The following RANBP17 variants were observed in gnomAD, a reference collection of about 807,000 sequenced individuals.
RANBP17 encodes the protein RAN binding protein 17, also known as ran-binding protein 17.
RANBP17 carries 158 observed loss-of-function variants against 141.2 expected under a neutral mutation model. The ratio of observed to expected loss-of-function variants is 1.12; its 90% CI spans 0.98 to 1.28. RANBP17 has a LOEUF of 1.28. Among genes scored for constraint, RANBP17 ranks in the 50% most tolerant of loss-of-function variants. The pLI is 0.00. For missense variants in RANBP17, 1,438 were observed against 1,290.7 expected (o/e 1.11, Z -1.75); for synonymous variants, 430 against 450.0 (o/e 0.96, Z 0.56).
chr5:170,903,936 G>T, intron 5 of RANBP17: 1 of 524,422 alleles, frequency 1.9e-6, no homozygotes, highest in South Asian at 1.5e-5. Flanking sequence ...TCATTATCTT[G>T]TATCAAGCCT....
Position 171,205,487 on chromosome 5 carries a change from G to A in RANBP17, c.2143-37G>A, listed in dbSNP as rs200802967. ...ATTACTCCATCTGCTCTGCGCTAAC[G>A]TGAAAATCAATTACTGTGTCTCTTT... On this transcript the variant is annotated intron_variant, in intron 19 of 27. Transcript: ENST00000523189. 231 of 1,561,202 alleles carry A rather than the reference G, an allele frequency of 1.5e-4. 2 individuals carry two copies. Among genetic ancestry groups the A allele is most frequent in the Admixed American group, 4.7e-4 (28 of 59,840 alleles).
At chr5:171,253,021 C>T (rs1454451367) in intron 24 of RANBP17, 3 of 1,091,748 alleles carry the variant, frequency 2.7e-6, no homozygotes, top group Non-Finnish European at 4.2e-6. Context: ...CTTTCTGCCG[C>T]ATTTCTTCTC....
chr5:170,896,045 C>T lies in RANBP17; in HGVS notation c.424-5C>T. ...TTAGGCTAAACTTTGTTATTTTCTC[C>T]AAAGGGTACTGTGGAACACTGCATA... On this transcript the variant is annotated splice_region_variant and splice_polypyrimidine_tract_variant and intron_variant, in intron 4 of 27. Coordinates refer to ENST00000523189, the MANE Select transcript of RANBP17 (RefSeq NM_022897.5). 2.5e-6 allele frequency: 4 copies of T among 1,575,442 alleles called. No individual in the cohort carries two copies. The highest frequency in any genetic ancestry group is 3.4e-6 in the Non-Finnish European group (4 of 1,161,244).
At chr5:170,997,684 A>G (rs1778908971) in intron 14 of RANBP17, among the ~76,000 whole-genome samples, 1 of 152,190 alleles carries the variant, frequency 6.6e-6, no homozygotes, top group Non-Finnish European at 1.5e-5. Flanking sequence ...GTTTAAATTC[A>G]GTATGAACAG....
chr5:171,296,518 A>G (rs1768830541), intron 27 of RANBP17, among the ~76,000 whole-genome samples: 1 of 152,242 alleles, frequency 6.6e-6, no homozygotes, highest in South Asian at 2.1e-4. Flanking sequence ...ACTCCAGGTG[A>G]TGGATACCCT....
At position 171,265,848 on chromosome 5, in the gene RANBP17, G is replaced by A. The variant is rs1366743050; in HGVS notation, c.2943+1G>A. ...GCAAAACCCAGATGTCCTGCAGCAG[G>A]TAACTGGTGGTTGATCACCTGGCTT... is the stretch of plus-strand genomic sequence containing the variant. On this transcript the variant is annotated splice_donor_variant, in intron 25 of 27. Coordinates refer to ENST00000523189, the MANE Select transcript of RANBP17 (RefSeq NM_022897.5). LOFTEE classifies it high-confidence loss of function. 1.2e-6 allele frequency: 2 copies of A among 1,610,976 alleles called. No individual in the cohort carries two copies. Among genetic ancestry groups the A allele is most frequent in the Admixed American group, 1.7e-5 (1 of 59,428 alleles).
At chr5:171,019,796 T>C (rs1438397766) in intron 14 of RANBP17, among the ~76,000 whole-genome samples, 1 of 152,154 alleles carries the variant, frequency 6.6e-6, no homozygotes, top group African/African-American at 2.4e-5. Context: ...TGGTCTTAGT[T>C]ATTTCTTGTC....
intron 14 of RANBP17, among the ~76,000 whole-genome samples, chr5:171,101,339 T>C (rs1180557802): frequency 6.6e-6 from 1 of 152,216 alleles, no homozygotes; most frequent in African/African-American, 2.4e-5. Flanking sequence ...TTGATGCCTT[T>C]ATTATTATGT....
intron 27 of RANBP17, among the ~76,000 whole-genome samples, chr5:171,297,846 CTTTTTTT>C (rs71310040): frequency 7.4e-5 from 5 of 67,502 alleles, no homozygotes; most frequent in East Asian, 4.7e-4. Context: ...CCAATAAATT[CTTTTTTT>C]TTTTTTTTTT....
chr5:171,103,910 G>A (rs907766878), intron 14 of RANBP17, among the ~76,000 whole-genome samples: 7 of 152,116 alleles, frequency 4.6e-5, no homozygotes, highest in Non-Finnish European at 8.8e-5. Flanking sequence ...ACCCTTCTTC[G>A]GCTCGCCCTC....
intron 5 of RANBP17, among the ~76,000 whole-genome samples, chr5:170,901,242 T>C (rs910212150): frequency 3.3e-5 from 5 of 152,190 alleles, no homozygotes; most frequent in South Asian, 2.1e-4. Flanking sequence ...CTTGTTGTGT[T>C]GATCCCTTTA....
At chr5:171,215,924 T>C (rs1323201354) in intron 21 of RANBP17, among the ~76,000 whole-genome samples, 2 of 152,214 alleles carry the variant, frequency 1.3e-5, no homozygotes, top group East Asian at 3.8e-4. Context: ...ATCCCGTTTG[T>C]CAATGTTGGC....
At chr5:170,955,490 AGT>A (rs1561927383) in intron 13 of RANBP17, among the ~76,000 whole-genome samples, 2 of 63,482 alleles carry the variant, frequency 3.2e-5, no homozygotes, top group African/African-American at 4.8e-5. Context: ...ATATATGCTC[AGT>A]GTGTATATAT....
intron 14 of RANBP17, among the ~76,000 whole-genome samples, chr5:171,022,393 A>G (rs1204105870): frequency 2.0e-5 from 3 of 152,212 alleles, no homozygotes; most frequent in African/African-American, 7.2e-5. Flanking sequence ...TACGAGGAGG[A>G]AAGGCTAAGT....
At chr5:171,251,022 C>G (rs753287094) in intron 24 of RANBP17, among the ~76,000 whole-genome samples, 4 of 152,184 alleles carry the variant, frequency 2.6e-5, no homozygotes, top group African/African-American at 7.2e-5. Context: ...ACAGAATATA[C>G]ATTCTTTTCA....
intron 24 of RANBP17, among the ~76,000 whole-genome samples, chr5:171,261,876 G>T (rs1378307777): frequency 1.3e-5 from 2 of 152,206 alleles, no homozygotes; most frequent in Non-Finnish European, 2.9e-5. Context: ...ATAGTCTTCA[G>T]CACCATTCAT....
intron 14 of RANBP17, among the ~76,000 whole-genome samples, chr5:171,011,350 A>T (rs984955740): frequency 1.3e-5 from 2 of 151,962 alleles, no homozygotes; most frequent in Non-Finnish European, 2.9e-5. Flanking sequence ...ACCAACTAGT[A>T]TGTTTTTTGG....
intron 13 of RANBP17, among the ~76,000 whole-genome samples, chr5:170,967,345 G>A (rs927317308): frequency 6.6e-6 from 1 of 152,024 alleles, no homozygotes; most frequent in Admixed American, 6.6e-5. Context: ...AACTGGGTGG[G>A]TCAGGCCTAG....
intron 22 of RANBP17, among the ~76,000 whole-genome samples, chr5:171,232,221 A>C (rs2127990320): frequency 6.6e-6 from 1 of 152,304 alleles, no homozygotes; most frequent in East Asian, 1.9e-4. Flanking sequence ...AACCTATACA[A>C]AATCTTTTAT....
Sources: gnomAD v4.1 joint callset for allele counts (sites outside exome capture counted in the v4.1 genomes callset) on GRCh38, gnomAD v4.1.1 for gene constraint, MANE v1.5 for transcripts, NCBI Gene and HGNC (gene_info 2026-07-23, HGNC 2026-07-21) for gene names.